The following FGD1 variants were observed in gnomAD, a reference collection of about 807,000 sequenced individuals.
FGD1 encodes the protein FYVE, RhoGEF and PH domain-containing protein 1.
FGD1 carries 12 observed loss-of-function variants against 65.0 expected under a neutral mutation model. The observed-to-expected ratio is 0.18, with a 90% CI of 0.12 to 0.30. FGD1 has a LOEUF of 0.30. FGD1 is among the 10% of genes least tolerant of loss of function. The pLI, the probability that FGD1 is intolerant of heterozygous loss-of-function variation, is 1.00. For missense variants in FGD1, 542 were observed against 837.6 expected, an observed-to-expected ratio of 0.65 and a Z score of 4.36; for synonymous variants, 333 against 343.9, an observed-to-expected ratio of 0.97 and a Z score of 0.35.
At chrX:54,493,796 A>T (rs1923466254) in intron 1 of FGD1, among the ~76,000 whole-genome samples, 1 of 112,078 alleles carries the variant, frequency 8.9e-6, no homozygotes, top group Admixed American at 9.4e-5. Flanking sequence ...AATCTCCCAG[A>T]GGTTCCATGA....
chrX:54,456,584 G>A lies in FGD1; in HGVS notation c.1637-17C>T. On this transcript the variant is annotated splice_polypyrimidine_tract_variant and intron_variant, in intron 8 of 17. Coordinates refer to ENST00000375135, the MANE Select transcript of FGD1 (RefSeq NM_004463.3). ...CCAGAGACTCTACAGGCATAGAGGG[G>A]TGAGGTCAGATGGGGGACTAGCAGA... 8.4e-7 allele frequency: 1 copy of A among 1,196,587 alleles called. No homozygotes were observed. Among genetic ancestry groups the A allele is most frequent in the Non-Finnish European group, 1.1e-6 (1 of 882,813 alleles).
intron 1 of FGD1, among the ~76,000 whole-genome samples, chrX:54,486,674 C>T (rs1426924404): frequency 9.3e-6 from 1 of 107,827 alleles, no homozygotes; most frequent in Non-Finnish European, 1.9e-5. Context: ...TGCCACCGTG[C>T]CCGGTCGATT....
chrX:54,492,940 A>C (rs745556193), intron 1 of FGD1, among the ~76,000 whole-genome samples: 1 of 108,488 alleles, frequency 9.2e-6, no homozygotes, highest in African/African-American at 3.3e-5. Flanking sequence ...AAAGACACCC[A>C]CTATGCAATT....
Position 54,450,288 on chromosome X carries a change from T to C in FGD1, c.2029A>G (p.Lys677Glu). The C allele has an allele frequency of 8.3e-7, 1 of 1,210,662 alleles. No homozygotes were observed. Among genetic ancestry groups the C allele is most frequent in the Non-Finnish European group, 1.1e-6 (1 of 894,720 alleles). The part of the protein sequence containing the change: ...LELQARTEEE[K>E]KDWVQAINST... The stretch of plus-strand genomic sequence containing the variant: ...GATGTTACCTGGACCCAGTCTTTCT[T>C]CTCCTCCTCAGTCCTTGGGGTGGGG... The change falls in exon 13 of 18, where the codon AAG becomes GAG. Residue 677 changes from lysine (K) to glutamate (E), a missense_variant. By Grantham distance (56) the Lys-to-Glu change is moderately conservative (BLOSUM62 1). This residue lies in a region of FGD1 where 182 missense variants were observed against 311.4 expected (regional missense o/e 0.58). Coordinates refer to ENST00000375135, the MANE Select transcript of FGD1 (RefSeq NM_004463.3).
intron 1 of FGD1, among the ~76,000 whole-genome samples, chrX:54,482,274 AC>A (rs1206550686): frequency 9.0e-6 from 1 of 111,649 alleles, no homozygotes; most frequent in Admixed American, 9.5e-5. Context: ...ACACAGACAA[AC>A]CAAGCAGCCA....
intron 12 of FGD1, among the ~76,000 whole-genome samples, chrX:54,452,866 G>T (rs1422950127): frequency 9.0e-6 from 1 of 111,728 alleles, no homozygotes; most frequent in East Asian, 2.8e-4. Flanking sequence ...TGGGTCCCAG[G>T]CATCCGTATT....
chrX:54,477,030 C>T (rs1569541341), intron 1 of FGD1, among the ~76,000 whole-genome samples: 1 of 112,287 alleles, frequency 8.9e-6, no homozygotes, highest in Non-Finnish European at 1.9e-5. Context: ...CAACTGTGCA[C>T]ATCCCTCAAA....
rs57186509 is a variant in FGD1 at position 54,492,914 on chromosome X, CAAA to C, written c.307+2209_307+2211del. On this transcript the variant is annotated intron_variant, in intron 1 of 17. Coordinates refer to ENST00000375135, the MANE Select transcript of FGD1 (RefSeq NM_004463.3). Reference sequence around the variant, plus strand: ...CTTATTCCTAATCCCCATCTTGAATCAAAAAAAAAAAAAAAAAAGACACCCACT... The same window carrying C: ...CTTATTCCTAATCCCCATCTTGAATCAAAAAAAAAAAAAAAGACACCCACT... Among the ~76,000 whole-genome samples the C allele has an allele frequency of 5.8e-3, 376 of 64,754 alleles. 3 individuals carry two copies. Among genetic ancestry groups the C allele is most frequent in the African/African-American group, 0.016 (345 of 21,737 alleles). The allele number at this position is 64,754 out of a possible 115,157, so 56.2% of individuals were successfully genotyped here.
At chrX:54,476,371 T>A (rs866505408) in intron 1 of FGD1, among the ~76,000 whole-genome samples, 51 of 103,589 alleles carry the variant, frequency 4.9e-4, no homozygotes, top group Middle Eastern at 4.8e-3. Flanking sequence ...TTTTTTTTTT[T>A]AAGACAGGGT....
chrX:54,470,650 G>A lies in FGD1; in HGVS notation c.592C>T (p.Leu198=). The change falls in exon 3 of 18, where the codon CTG becomes TTG. Residue 198 remains leucine, a synonymous_variant. Coordinates refer to ENST00000375135, the MANE Select transcript of FGD1 (RefSeq NM_004463.3). ...LPADPRVAKG[L]APRAEASPSS... ...GGGCTGGCCTCTGCCCTGGGAGCCA[G>A]GCCCTTGGCCACTCGGGGGTCGGCA... 8.3e-7 allele frequency: 1 copy of A among 1,200,213 alleles called. No homozygotes were observed.
chrX:54,471,225 C>A (rs866324174), intron 2 of FGD1, 89 bp downstream of exon 2: 1 of 1,041,461 alleles, frequency 9.6e-7, no homozygotes, highest in African/African-American at 1.8e-5. Context: ...ATCCTTCTAA[C>A]AAACCCTCTT....
chrX:54,476,689 T>C (rs1407655614), intron 1 of FGD1, among the ~76,000 whole-genome samples: 1 of 109,054 alleles, frequency 9.2e-6, no homozygotes, highest in Non-Finnish European at 1.9e-5. Flanking sequence ...TCCACAACAT[T>C]ATCACACCCA....
At chrX:54,469,587 G>A (rs972226549) in intron 4 of FGD1, among the ~76,000 whole-genome samples, 36 of 111,860 alleles carry the variant, frequency 3.2e-4, no homozygotes, top group African/African-American at 1.1e-3. Context: ...CTGCCATGCC[G>A]GCAGTCCCTG....
chrX:54,459,683 C>T (rs1005570141), intron 8 of FGD1, among the ~76,000 whole-genome samples: 3 of 111,043 alleles, frequency 2.7e-5, no homozygotes, highest in East Asian at 5.7e-4. Flanking sequence ...ATATCTCAGG[C>T]GGGCTCTCAT....
In FGD1 at chrX:54,463,000, T is replaced by TG. The variant is rs781502378; in HGVS notation, c.1636+2450dup. 7.2e-5 allele frequency among the ~76,000 whole-genome samples: 8 copies of TG among 110,673 alleles called. No homozygotes were observed. In the East Asian group the frequency reaches 2.3e-3, roughly 32 times the overall value. Reference sequence around the variant, plus strand: ...GGCTGGTCTCGAACTCCTGACTTTGTGATCCACCTGCCTCAGCCTCCAAAA... The same window carrying TG: ...GGCTGGTCTCGAACTCCTGACTTTGTGGATCCACCTGCCTCAGCCTCCAAAA... On this transcript the variant is annotated intron_variant, in intron 8 of 17. Transcript: ENST00000375135.
rs1458745426 is a variant in FGD1, at chrX:54,470,444, C to A, written c.673G>T (p.Val225Phe). ...CCAGGGACTGGTCTATCCGAGGCGACAATCACAGGCTCTCTGAGGTGGGTG... is the reference window on the plus strand; with the variant it reads ...CCAGGGACTGGTCTATCCGAGGCGAAAATCACAGGCTCTCTGAGGTGGGTG... ...IEKFEREPVI[V>F]ASDRPVPGPS... The change falls in exon 4 of 18, where the codon GTC (valine) becomes TTC (phenylalanine). Residue 225 changes from valine (V) to phenylalanine (F), a missense_variant. Physicochemically the swap from Val to Phe is conservative, Grantham distance 50 (BLOSUM62 -1). This residue lies in a region of FGD1 where 297 missense variants were observed against 326.8 expected (regional missense o/e 0.91). Transcript: ENST00000375135. 18 of 1,205,302 alleles carry A rather than the reference C, an allele frequency of 1.5e-5. No individual in the cohort carries two copies. Among genetic ancestry groups the A allele is most frequent in the Non-Finnish European group, 2.0e-5 (18 of 894,517 alleles).
chrX:54,456,379 A>G lies in FGD1; in HGVS notation c.1696-13T>C. 1 of 1,211,720 alleles carries G rather than the reference A, an allele frequency of 8.3e-7. No individual in the cohort carries two copies. The highest frequency in any genetic ancestry group is 2.3e-4 in the Middle Eastern group (1 of 4,350). On this transcript the variant is annotated splice_polypyrimidine_tract_variant and intron_variant, in intron 9 of 17. Transcript: ENST00000375135. ...TATGCATTCGCTCCTGGCAAAAGAC[A>G]GGGAACAAAAGGCACGGTTGGGGTG...
rs1469929202 is a variant in FGD1, at chrX:54,461,622, A to AG, written c.1636+3828_1636+3829insC. On this transcript the variant is annotated intron_variant, in intron 8 of 17. Coordinates refer to ENST00000375135, the MANE Select transcript of FGD1 (RefSeq NM_004463.3). ...TCTCAAAAAAAAAAAAAAAAAAAAAAAAAAGAAAAAGAAAAAAGAAAAATA... is the reference window on the plus strand; with the variant it reads ...TCTCAAAAAAAAAAAAAAAAAAAAAAGAAAAGAAAAAGAAAAAAGAAAAATA... Among the ~76,000 whole-genome samples the AG allele has an allele frequency of 2.8e-5, 3 of 105,433 alleles. No homozygotes were observed. In the Admixed American group the frequency reaches 3.1e-4, roughly 11 times the overall value. The allele number at this position is 105,433 out of a possible 115,157, so 91.6% of individuals were successfully genotyped here.
At chrX:54,462,429 G>A (rs1356831456) in intron 8 of FGD1, among the ~76,000 whole-genome samples, 3 of 93,439 alleles carry the variant, frequency 3.2e-5, no homozygotes, top group African/African-American at 4.2e-5. Context: ...GTCTCACTCC[G>A]TGGCTCAGGT....
Sources: allele counts gnomAD v4.1 joint callset (sites outside exome capture counted in the v4.1 genomes callset), GRCh38; gene constraint gnomAD v4.1.1; regional missense constraint gnomAD v4.1.1; transcripts MANE v1.5; gene names NCBI Gene and HGNC (gene_info 2026-07-23, HGNC 2026-07-21).